PLEKHG5: variants seen among roughly 807,000 people sequenced by gnomAD.
PLEKHG5 encodes the protein pleckstrin homology and RhoGEF domain containing G5.
PLEKHG5 carries 52 observed loss-of-function variants against 103.8 expected under a neutral mutation model. The ratio of observed to expected loss-of-function variants is 0.50; its 90% CI spans 0.40 to 0.63. The LOEUF is 0.63. PLEKHG5 is among the 30% of genes least tolerant of loss of function. The pLI is 0.00. For missense variants in PLEKHG5, 1,205 were observed against 1,347.6 expected (o/e 0.89, Z 1.66); for synonymous variants, 592 against 575.5 (o/e 1.03, Z -0.41).
chr1:6,480,289 G>C (rs1044801810), intron 1 of PLEKHG5, among the ~76,000 whole-genome samples: 19 of 152,012 alleles, frequency 1.2e-4, no homozygotes, highest in Non-Finnish European at 2.2e-4. Context: ...AGCACTTTGG[G>C]AGGCCGAGGC....
chr1:6,473,415 C>T lies in PLEKHG5; in HGVS notation c.631G>A (p.Gly211Arg), dbSNP rs1428031986. 1 of 1,542,432 alleles carries T rather than the reference C, an allele frequency of 6.5e-7. No homozygotes were observed. The highest frequency in any genetic ancestry group is 1.4e-5 in the African/African-American group (1 of 73,034). Reference protein sequence around the residue: ...RRRKNMSEFLGEASIPGQEPP... With the variant: ...RRRKNMSEFLREASIPGQEPP... Reference sequence around the variant, plus strand: ...TCCTGCCCGGGGATGCTCGCCTCCCCCAGGAACTCCGACATGTTCTTGCGG... The same window carrying T: ...TCCTGCCCGGGGATGCTCGCCTCCCTCAGGAACTCCGACATGTTCTTGCGG... The change falls in exon 8 of 21, where the codon GGG becomes AGG. Residue 211 changes from glycine to arginine, a missense_variant. Coordinates refer to ENST00000377728, the MANE Select transcript of PLEKHG5 (RefSeq NM_020631.6).
At chr1:6,475,688 G>A (rs1224234428) in intron 3 of PLEKHG5, among the ~76,000 whole-genome samples, 166 bp from the exon 4 acceptor site, 2 of 152,204 alleles carry the variant, frequency 1.3e-5, no homozygotes, top group African/African-American at 4.8e-5. Flanking sequence ...CCCTCTGGTG[G>A]CCAACACGGG....
At chr1:6,477,452 T>A (rs745547883) in intron 2 of PLEKHG5, 77 bp downstream of exon 2, 1 of 1,452,134 alleles carries the variant, frequency 6.9e-7, no homozygotes, top group Non-Finnish European at 9.6e-7. Context: ...TATGACGCCC[T>A]AGCACGTTTC....
In PLEKHG5 at chr1:6,467,589, G is replaced by A. The variant is rs1158047178; in HGVS notation, c.3012-17C>T. The A allele has an allele frequency of 6.2e-7, 1 of 1,612,162 alleles. No homozygotes were observed. Among genetic ancestry groups the A allele is most frequent in the Admixed American group, 1.7e-5 (1 of 60,004 alleles). On this transcript the variant is annotated splice_polypyrimidine_tract_variant and intron_variant, in intron 20 of 20. Coordinates refer to ENST00000377728, the MANE Select transcript of PLEKHG5 (RefSeq NM_020631.6). ...CAGACCTCCCTACAGGGTGGGGAGG[G>A]GACAGAGTCCTTCTTTGGCTGACGC...
intron 2 of PLEKHG5, among the ~76,000 whole-genome samples, chr1:6,477,270 A>G (rs1362128242): frequency 6.6e-6 from 1 of 152,256 alleles, no homozygotes; most frequent in Non-Finnish European, 1.5e-5. Flanking sequence ...GCCACAGGCC[A>G]GGGGCAAAAG....
intron 1 of PLEKHG5, among the ~76,000 whole-genome samples, chr1:6,506,519 T>C (rs1272591674): frequency 6.6e-6 from 1 of 152,078 alleles, no homozygotes; most frequent in Admixed American, 6.6e-5. Context: ...TTTGCTAAGA[T>C]AGGTTTCCAG....
rs756547601 is a variant in PLEKHG5 at position 6,473,126 on chromosome 1, G to C, written c.844C>G (p.Leu282Val). The change falls in exon 9 of 21, where the codon CTC becomes GTC. Residue 282 changes from leucine to valine, a missense_variant. Transcript: ENST00000377728. ...QLEGKLHTYS[L>V]FGLPRLPRGL... ...CGGGGCAGCCTGGGCAGCCCGAAGA[G>C]GCTGTAGGTGTGCAGCTTGCCCTCC... is the stretch of plus-strand genomic sequence containing the variant. 7 of 1,613,956 alleles carry C rather than the reference G, an allele frequency of 4.3e-6. No homozygotes were observed. In the South Asian group the frequency reaches 7.7e-5, roughly 18 times the overall value.
upstream of PLEKHG5, among the ~76,000 whole-genome samples, chr1:6,500,802 A>G (rs1645288598): frequency 6.6e-6 from 1 of 152,090 alleles, no homozygotes; most frequent in Non-Finnish European, 1.5e-5. Context: ...CGTGCGCAAC[A>G]GCCCAGCTGC....
At chr1:6,485,573 C>A (rs1197496069) in intron 1 of PLEKHG5, 42 of 875,396 alleles carry the variant, frequency 4.8e-5, no homozygotes, top group Non-Finnish European at 5.8e-5. Flanking sequence ...CCCGGAACAG[C>A]CCCCAGCCCC....
chr1:6,467,854 G>A lies in PLEKHG5; in HGVS notation c.2982C>T (p.Thr994=), dbSNP rs745830768. 6.2e-6 allele frequency: 10 copies of A among 1,613,246 alleles called. No individual in the cohort carries two copies. In the South Asian group the frequency reaches 9.9e-5, roughly 16 times the overall value. Residue 994 remains threonine, a synonymous_variant, in exon 20 of 21, where the codon ACC becomes ACT. Coordinates refer to ENST00000377728, the MANE Select transcript of PLEKHG5 (RefSeq NM_020631.6). The stretch of plus-strand genomic sequence containing the variant: ...CAGTGAGCGTGGAGTTAAGCAGCAG[G>A]GTGGTCCTGATTCGGTAGAGCTGGG... ...TLAQLYRIRT[T]LLLNSTLTAS...
At chr1:6,475,376 A>G (rs1196053747) in intron 4 of PLEKHG5, 86 bp downstream of exon 4, 3 of 1,171,560 alleles carry the variant, frequency 2.6e-6, no homozygotes, top group Middle Eastern at 1.9e-4. Flanking sequence ...AGACCTCCCC[A>G]CCCCCATCCC....
At chr1:6,470,706 G>A (rs368521785) in intron 14 of PLEKHG5, 29 bp downstream of exon 14, 38 of 1,552,242 alleles carry the variant, frequency 2.4e-5, no homozygotes, top group Middle Eastern at 3.3e-4. Flanking sequence ...CGCGCAGGGG[G>A]GACGGCTCCC....
Position 6,467,921 on chromosome 1 carries a change from G to T in PLEKHG5, c.2915C>A (p.Pro972His), listed in dbSNP as rs777368688. 31 of 1,595,014 alleles carry T rather than the reference G, an allele frequency of 1.9e-5. No individual in the cohort carries two copies. Among genetic ancestry groups the T allele is most frequent in the Non-Finnish European group, 2.6e-5 (30 of 1,171,696 alleles). ...GTGCTGGGCAGAGACCCCTGGTGGG[G>T]GCTCAGGCTGGACCCTGGGAGAGGC... ...SGASPRVQPE[P>H]PPGVSAQHRK... The change falls in exon 20 of 21, where the codon CCC (proline) becomes CAC (histidine). Residue 972 changes from proline (P) to histidine (H), a missense_variant. Transcript: ENST00000377728.
rs1644599959 is a variant in PLEKHG5, at chr1:6,471,796, A to G, written c.1093T>C (p.Cys365Arg). 1 of 1,609,652 alleles carries G rather than the reference A, an allele frequency of 6.2e-7. No homozygotes were observed. Among genetic ancestry groups the G allele is most frequent in the Non-Finnish European group, 8.5e-7 (1 of 1,178,262 alleles). ...LRVIINLFLC[C>R]LLNLQESGLL... ...CCTGACTCTTGCAGGTTCAGGAGGC[A>G]GCACAGGAACAGCTGTGGGATCAGG... Residue 365 changes from cysteine to arginine, a missense_variant, in exon 11 of 21, where the codon TGC becomes CGC. By Grantham distance (180) the Cys-to-Arg change is radical. Coordinates refer to ENST00000377728, the MANE Select transcript of PLEKHG5 (RefSeq NM_020631.6).
rs552090119 is a variant in PLEKHG5 at position 6,505,163 on chromosome 1, C to T, written c.-164-8594G>A. On this transcript the variant is annotated intron_variant, in intron 1 of 21. Transcript: ENST00000377740. This position sits in a 1 kb window ranked among gnomAD's most constrained non-coding sequence, Gnocchi z 4.2. Reference sequence around the variant, plus strand: ...TGCTGGGAGCTGGAGATCAGCGCTCCGGTAGCTTCTGCGGACCGGACTCAA... The same window carrying T: ...TGCTGGGAGCTGGAGATCAGCGCTCTGGTAGCTTCTGCGGACCGGACTCAA... Among the ~76,000 whole-genome samples, 8 of 152,272 alleles carry T rather than the reference C, an allele frequency of 5.3e-5. No individual in the cohort carries two copies. The East Asian group carries it at 5.8e-4, about 11-fold the overall frequency.
At chr1:6,509,908 AC>A (rs1284549251) in intron 1 of PLEKHG5, among the ~76,000 whole-genome samples, 1 of 152,072 alleles carries the variant, frequency 6.6e-6, no homozygotes, top group Non-Finnish European at 1.5e-5. Flanking sequence ...GAGTCCCTGT[AC>A]CCAACAAGAG....
At position 6,469,074 on chromosome 1, in the gene PLEKHG5, C is replaced by T; in HGVS notation, c.2217G>A (p.Arg739=). The T allele has an allele frequency of 3.1e-6, 5 of 1,613,442 alleles. No homozygotes were observed. Among genetic ancestry groups the T allele is most frequent in the Non-Finnish European group, 4.2e-6 (5 of 1,179,996 alleles). ...TSAASSPTIM[R]KSSGSPDSQH... ...GAGAGTCGGGGCTGCCGCTGCTTTT[C>T]CGCATGATGGTAGGGGAGCTGGCAG... Residue 739 remains arginine (R), a synonymous_variant, in exon 19 of 21, where the codon CGG becomes CGA. Transcript: ENST00000377728.
chr1:6,488,330 T>C (rs1645078806), intron 1 of PLEKHG5, among the ~76,000 whole-genome samples: 1 of 152,276 alleles, frequency 6.6e-6, no homozygotes, highest in South Asian at 2.1e-4. Context: ...TGCTGCTACG[T>C]AGGGAAATGG....
chr1:6,495,910 C>T (rs892104983), upstream of PLEKHG5, among the ~76,000 whole-genome samples: 1 of 152,256 alleles, frequency 6.6e-6, no homozygotes, highest in African/African-American at 2.4e-5. Context: ...CAGGCAGAAG[C>T]GCCCAGCCAG....
Sources: gnomAD v4.1 joint callset for allele counts (sites outside exome capture counted in the v4.1 genomes callset) on GRCh38, gnomAD v4.1.1 for gene constraint, Gnocchi (gnomAD v3.1) non-coding constraint, MANE v1.5 for transcripts, NCBI Gene and HGNC (gene_info 2026-07-23, HGNC 2026-07-21) for gene names.